RAI14: variants seen among roughly 807,000 people sequenced by gnomAD.
RAI14 encodes the protein retinoic acid induced 14.
In RAI14, 45 loss-of-function variants were observed where a neutral mutation model predicts 115.4. The observed-to-expected ratio is 0.39, with a 90% CI of 0.31 to 0.50. The LOEUF (loss-of-function observed/expected upper bound fraction) is 0.50, where lower values mean the gene tolerates loss of function less well. RAI14 is among the 20% of genes least tolerant of loss of function. The probability of loss-of-function intolerance (pLI) is 0.85; values close to 1 mark genes in which losing one functional copy is unlikely to be tolerated. For synonymous variants in RAI14, 371 were observed against 415.4 expected (o/e 0.89, Z 1.30); for missense variants, 939 against 1,131.2 (o/e 0.83, Z 2.44).
intron 4 of RAI14, among the ~76,000 whole-genome samples, chr5:34,797,138 G>A (rs968542995): frequency 5.3e-5 from 8 of 152,106 alleles, no homozygotes; most frequent in South Asian, 2.1e-4. Context: ...TTCATTTTTC[G>A]ATTGTACTCG....
chr5:34,826,984 G>T (rs1002200182), intron 16 of RAI14, among the ~76,000 whole-genome samples: 6 of 152,184 alleles, frequency 3.9e-5, no homozygotes, highest in Non-Finnish European at 8.8e-5. Context: ...AACAACATGA[G>T]TGTATTATTT....
rs1378394723 is a variant in RAI14, at chr5:34,823,025, G to T, written c.1183G>T (p.Gly395Cys). ...DSYHSTQTDL[G>C]PSLGKPGETS... ...ATACCATTCCACCCAAACTGACTTGGGCCCATCCCTGGGAAAACCTGGTGA... is the reference window on the plus strand; with the variant it reads ...ATACCATTCCACCCAAACTGACTTGTGCCCATCCCTGGGAAAACCTGGTGA... Residue 395 changes from glycine to cysteine, a missense_variant, in exon 15 of 18, where the codon GGC (glycine) becomes TGC (cysteine). By Grantham distance (159) the Gly-to-Cys change is radical (BLOSUM62 -3). Coordinates refer to ENST00000265109, the MANE Select transcript of RAI14 (RefSeq NM_015577.3). This position sits in a 1 kb window ranked among gnomAD's most constrained non-coding sequence, Gnocchi z 4.5. 2 of 1,613,710 alleles carry T rather than the reference G, an allele frequency of 1.2e-6. No individual in the cohort carries two copies. Among genetic ancestry groups the T allele is most frequent in the African/African-American group, 2.7e-5 (2 of 74,800 alleles).
intron 4 of RAI14, among the ~76,000 whole-genome samples, chr5:34,798,253 G>C (rs1049942813): frequency 6.6e-6 from 1 of 151,944 alleles, no homozygotes; most frequent in East Asian, 1.9e-4. Flanking sequence ...TGGCCAGGCT[G>C]GTCTTGAACT....
At chr5:34,704,690 A>C (rs548068376) in intron 2 of RAI14, among the ~76,000 whole-genome samples, 2 of 152,330 alleles carry the variant, frequency 1.3e-5, no homozygotes, top group Admixed American at 6.5e-5. Context: ...ATCTTTTTAA[A>C]AAATCATTAT....
intron 3 of RAI14, among the ~76,000 whole-genome samples, chr5:34,773,790 A>T (rs1312207211): frequency 2.6e-5 from 4 of 152,216 alleles, no homozygotes; most frequent in Admixed American, 2.6e-4. Context: ...GAAAACTCAT[A>T]CACTGTTGGT....
rs941616919 is a variant in RAI14 at position 34,824,064 on chromosome 5, G to A, written c.2222G>A (p.Arg741Gln). 25 of 1,613,894 alleles carry A rather than the reference G, an allele frequency of 1.5e-5. No homozygotes were observed. Among genetic ancestry groups the A allele is most frequent in the Middle Eastern group, 1.6e-4 (1 of 6,084 alleles). The part of the protein sequence containing the change: ...TEHLQVITTL[R>Q]TAAKEMEEKI... Reference sequence around the variant, plus strand: ...CATTTGCAAGTGATAACCACGCTGCGGACTGCAGCAAAAGAGATGGAAGAA... The same window carrying A: ...CATTTGCAAGTGATAACCACGCTGCAGACTGCAGCAAAAGAGATGGAAGAA... Residue 741 changes from arginine to glutamine, a missense_variant, in exon 15 of 18, where the codon CGG becomes CAG. By Grantham distance (43) the Arg-to-Gln change is conservative (BLOSUM62 1). Coordinates refer to ENST00000265109, the MANE Select transcript of RAI14 (RefSeq NM_015577.3).
At chr5:34,766,248 GC>G (rs1260956636) in intron 3 of RAI14, among the ~76,000 whole-genome samples, 1 of 152,120 alleles carries the variant, frequency 6.6e-6, no homozygotes, top group African/African-American at 2.4e-5. Flanking sequence ...CAATCCTCCA[GC>G]CCCCAGAATG....
intron 3 of RAI14, among the ~76,000 whole-genome samples, chr5:34,779,952 A>G (rs1309540262): frequency 1.3e-5 from 2 of 152,142 alleles, no homozygotes; most frequent in Non-Finnish European, 2.9e-5. Context: ...GAGGCATCAC[A>G]CTACCTGACT....
chr5:34,765,096 A>C (rs1749186350), intron 3 of RAI14, among the ~76,000 whole-genome samples: 1 of 152,190 alleles, frequency 6.6e-6, no homozygotes, highest in African/African-American at 2.4e-5. Flanking sequence ...TTCTGCCATG[A>C]TTCTGAGGCC....
rs1295321173 is a variant in RAI14 at position 34,831,616 on chromosome 5, T to C, written c.*851T>C. ...TAGAAGTATTTTTTTCTCTGTAATA[T>C]TTTTATTGGCTCATAAAGATGTTTT... On this transcript the variant is annotated 3_prime_UTR_variant, in exon 18 of 18. Transcript: ENST00000265109. The C allele has an allele frequency of 1.3e-5, 2 of 152,532 alleles. No individual in the cohort carries two copies. Among genetic ancestry groups the C allele is most frequent in the African/African-American group, 4.8e-5 (2 of 41,460 alleles). The allele number at this position is 152,532 out of a possible 1,614,324, so 9.4% of individuals were successfully genotyped here.
chr5:34,701,716 A>T (rs1044759654), intron 2 of RAI14, among the ~76,000 whole-genome samples: 2 of 152,168 alleles, frequency 1.3e-5, no homozygotes, highest in Non-Finnish European at 2.9e-5. Flanking sequence ...CCCTGGGCAT[A>T]TGTTCTCAGG....
Position 34,813,634 on chromosome 5 carries a change from C to T in RAI14, c.826C>T (p.Pro276Ser). ...RSGTPKKRKA[P>S]PPPISPTQLS... is the part of the protein sequence containing the mutation. Reference sequence around the variant, plus strand: ...TGGAACTCCAAAAAAACGCAAAGCTCCACCACCTCCTATCAGTCCTACCCA... The same window carrying T: ...TGGAACTCCAAAAAAACGCAAAGCTTCACCACCTCCTATCAGTCCTACCCA... Residue 276 changes from proline to serine, a missense_variant, in exon 11 of 18, where the codon CCA becomes TCA. Pro to Ser is a moderately conservative substitution (Grantham distance 74). Transcript: ENST00000265109. 1.2e-6 allele frequency: 2 copies of T among 1,612,984 alleles called. No individual in the cohort carries two copies. The highest frequency in any genetic ancestry group is 1.7e-6 in the Non-Finnish European group (2 of 1,179,128).
At chr5:34,748,678 T>C (rs1746607231) in intron 2 of RAI14, among the ~76,000 whole-genome samples, 1 of 152,062 alleles carries the variant, frequency 6.6e-6, no homozygotes, top group African/African-American at 2.4e-5. Flanking sequence ...TCTGCAACTA[T>C]ATAGAAAATT....
Position 34,824,946 on chromosome 5 carries a change from CAAAAAAA to C in RAI14, c.2649+471_2649+477del, listed in dbSNP as rs1174399473. 1.1e-4 allele frequency among the ~76,000 whole-genome samples: 7 copies of C among 66,554 alleles called. No individual in the cohort carries two copies. In the South Asian group the frequency reaches 2.2e-3, roughly 21 times the overall value. 43.7% of individuals were successfully genotyped at this position (66,554 alleles called of 152,430 possible). A position where few individuals can be genotyped will look rare whatever the true frequency, so the allele number is the denominator to read the frequency against. On this transcript the variant is annotated intron_variant, in intron 15 of 17. Coordinates refer to ENST00000265109, the MANE Select transcript of RAI14 (RefSeq NM_015577.3). ...GCAACAGAGTGAACAGACTTCATCT[CAAAAAAA>C]AAAAAAAAAAAAAAAGAATAGTTTA...
intron 1 of RAI14, among the ~76,000 whole-genome samples, chr5:34,681,140 A>G (rs1428443253): frequency 6.6e-6 from 1 of 152,208 alleles, no homozygotes; most frequent in Non-Finnish European, 1.5e-5. Context: ...AGGTACCTTC[A>G]TTAGGAAGGT....
intron 6 of RAI14, 125 bp downstream of exon 6, chr5:34,807,982 T>C (rs995864178): frequency 7.6e-6 from 6 of 792,406 alleles, no homozygotes; most frequent in Non-Finnish European, 1.3e-5. Flanking sequence ...TTTCTAAACA[T>C]TCCCATTTTA....
rs1257849415 is a variant in RAI14, at chr5:34,665,127, ATGTGTATATATATACACATATATATGTG to A, written c.-49+8667_-49+8694del. ...TGTGTATATATATGTGTATATATGTATGTGTATATATATACACATATATATGTGTGTGTATATATATATATACACACAT... is the reference window on the plus strand; with the variant it reads ...TGTGTATATATATGTGTATATATGTATGTGTATATATATATATACACACAT... On this transcript the variant is annotated intron_variant, in intron 1 of 17. Coordinates refer to ENST00000265109, the MANE Select transcript of RAI14 (RefSeq NM_015577.3). Among the ~76,000 whole-genome samples the A allele has an allele frequency of 8.5e-5, 6 of 70,764 alleles. 2 individuals carry two copies. Among genetic ancestry groups the A allele is most frequent in the African/African-American group, 2.9e-4 (6 of 20,762 alleles). The allele number at this position is 70,764 out of a possible 152,430, so 46.4% of individuals were successfully genotyped here.
chr5:34,706,795 C>T (rs1740744783), intron 2 of RAI14, among the ~76,000 whole-genome samples: 3 of 152,020 alleles, frequency 2.0e-5, no homozygotes, highest in Non-Finnish European at 2.9e-5. Flanking sequence ...TTGTATATGC[C>T]TCATGTGACT....
chr5:34,688,569 G>A (rs1738165261), intron 2 of RAI14, among the ~76,000 whole-genome samples: 4 of 152,100 alleles, frequency 2.6e-5, no homozygotes, highest in South Asian at 2.1e-4. Context: ...ACTAGTAAAA[G>A]CTCTGGGATT....
Sources: gnomAD v4.1 joint callset for allele counts (sites outside exome capture counted in the v4.1 genomes callset) on GRCh38, gnomAD v4.1.1 for gene constraint, Gnocchi (gnomAD v3.1) non-coding constraint, MANE v1.5 for transcripts, NCBI Gene and HGNC (gene_info 2026-07-23, HGNC 2026-07-21) for gene names.